The following FAM163A variants were observed in gnomAD, a reference collection of about 807,000 sequenced individuals.
The protein encoded by FAM163A is family with sequence similarity 163 member A, also known as protein FAM163A.
In FAM163A, 7 loss-of-function variants were observed where a neutral mutation model predicts 12.0. The ratio of observed to expected loss-of-function variants is 0.58; its 90% CI spans 0.33 to 1.10. The LOEUF (loss-of-function observed/expected upper bound fraction) is 1.10, where lower values mean the gene tolerates loss of function less well. Ranked by LOEUF, FAM163A falls within the 50% of genes least tolerant of loss-of-function variation. FAM163A has a pLI of 0.03. For missense variants in FAM163A, 202 were observed against 218.6 expected (o/e 0.92, Z 0.48); for synonymous variants, 101 against 91.0 (o/e 1.11, Z -0.62).
chr1:179,730,789 A>G, the FAM163A span, among the ~76,000 whole-genome samples: 8 of 152,230 alleles, frequency 5.3e-5, no homozygotes, highest in Middle Eastern at 3.2e-3. Context: ...ACTAATTTGC[A>G]TTCAGCAAAT....
chr1:179,753,426 G>A (rs898987592), intron 1 of FAM163A, among the ~76,000 whole-genome samples: 5 of 152,178 alleles, frequency 3.3e-5, no homozygotes, highest in Admixed American at 1.3e-4. Context: ...TAAGAGGGTA[G>A]GTCTCATGTT....
At chr1:179,741,926 A>G (rs1015173833), upstream of FAM163A, 2 of 152,244 alleles carry the variant, frequency 1.3e-5, no homozygotes, top group African/African-American at 2.4e-5. Context: ...TCATTAGGCT[A>G]TGAAGGTACG....
chr1:179,732,704 A>G, the FAM163A span, among the ~76,000 whole-genome samples: 1 of 151,782 alleles, frequency 6.6e-6, no homozygotes, highest in East Asian at 1.9e-4. Context: ...AACATGGCGA[A>G]ACCCTGTCTC....
At chr1:179,794,898 G>T (rs538397120) in intron 1 of FAM163A, among the ~76,000 whole-genome samples, 1 of 152,238 alleles carries the variant, frequency 6.6e-6, no homozygotes, top group Admixed American at 6.5e-5. Context: ...ATTCAAAGAG[G>T]CTGAGTGACT....
chr1:179,773,743 G>A (rs1477073625), intron 1 of FAM163A, among the ~76,000 whole-genome samples: 2 of 152,122 alleles, frequency 1.3e-5, no homozygotes, highest in African/African-American at 4.8e-5. Context: ...TTAAAGCATC[G>A]GCCTCTAGAG....
At chr1:179,735,136 C>G in the FAM163A span, among the ~76,000 whole-genome samples, 6 of 152,082 alleles carry the variant, frequency 3.9e-5, no homozygotes, top group African/African-American at 1.4e-4. Context: ...AAATAAGTCC[C>G]CCCAGATTAA....
chr1:179,735,765 A>G, the FAM163A span, among the ~76,000 whole-genome samples: 1 of 151,960 alleles, frequency 6.6e-6, no homozygotes, highest in East Asian at 1.9e-4. Flanking sequence ...GGCCTCCCAA[A>G]GTGCTGGGAT....
intron 1 of FAM163A, among the ~76,000 whole-genome samples, chr1:179,771,440 C>T (rs1466691136): frequency 6.6e-6 from 1 of 152,180 alleles, no homozygotes; most frequent in Admixed American, 6.5e-5. Context: ...CCATCCTACC[C>T]TCTTTTTCCT....
intron 1 of FAM163A, among the ~76,000 whole-genome samples, chr1:179,747,972 G>T (rs190801391): frequency 6.6e-6 from 1 of 151,854 alleles, no homozygotes; most frequent in Non-Finnish European, 1.5e-5. Flanking sequence ...AGGGGGAGGA[G>T]GAAGAGGACT....
upstream of FAM163A, among the ~76,000 whole-genome samples, chr1:179,739,296 A>G (rs1441805360): frequency 2.6e-5 from 4 of 152,228 alleles, no homozygotes; most frequent in African/African-American, 9.6e-5. Context: ...GCTCCATAAT[A>G]GAAAAAATAG....
chr1:179,754,721 G>T (rs1438246264), intron 1 of FAM163A, among the ~76,000 whole-genome samples: 1 of 152,238 alleles, frequency 6.6e-6, no homozygotes, highest in Admixed American at 6.5e-5. Context: ...ATGGCGATGA[G>T]AGGCTAAACA....
intron 2 of FAM163A, among the ~76,000 whole-genome samples, chr1:179,809,406 G>C (rs180879385): frequency 2.8e-4 from 43 of 152,340 alleles, no homozygotes; most frequent in African/African-American, 9.6e-4. Flanking sequence ...GACGTGAGAG[G>C]AATGTGAGAG....
chr1:179,744,198 C>T (rs1365215314), intron 1 of FAM163A, among the ~76,000 whole-genome samples: 2 of 152,172 alleles, frequency 1.3e-5, no homozygotes, highest in African/African-American at 4.8e-5. Context: ...AGAAGCCGGA[C>T]GTGCCCGTGG....
chr1:179,761,638 T>A (rs1377186146), intron 1 of FAM163A, among the ~76,000 whole-genome samples: 1 of 152,122 alleles, frequency 6.6e-6, no homozygotes, highest in African/African-American at 2.4e-5. Context: ...AATAGTATAG[T>A]CCATCAGTCA....
chr1:179,734,308 G>C, the FAM163A span, among the ~76,000 whole-genome samples: 1 of 152,184 alleles, frequency 6.6e-6, no homozygotes, highest in Admixed American at 6.5e-5. Flanking sequence ...AGAGAAAGCT[G>C]TCATCTTAAT....
At chr1:179,747,574 A>G (rs1218804212) in intron 1 of FAM163A, among the ~76,000 whole-genome samples, 2 of 152,090 alleles carry the variant, frequency 1.3e-5, no homozygotes, top group Admixed American at 6.5e-5. Flanking sequence ...AGCCTACACT[A>G]TTTCATTGAA....
chr1:179,805,099 A>C (rs918994318), intron 1 of FAM163A, among the ~76,000 whole-genome samples: 6 of 152,174 alleles, frequency 3.9e-5, no homozygotes, highest in African/African-American at 1.4e-4. Context: ...AAATGTATTC[A>C]GTGGGAGAAA....
chr1:179,765,859 G>A, intron 1 of FAM163A, among the ~76,000 whole-genome samples: 1 of 152,122 alleles, frequency 6.6e-6, no homozygotes, highest in East Asian at 1.9e-4. Flanking sequence ...GGTTCAGAAT[G>A]GCTGGCCTGA....
At chr1:179,779,300 G>A (rs1295131888) in intron 1 of FAM163A, among the ~76,000 whole-genome samples, 1 of 152,220 alleles carries the variant, frequency 6.6e-6, no homozygotes, top group Non-Finnish European at 1.5e-5. Flanking sequence ...CAGCCTTTTT[G>A]AAGAGGGAGT....
Sources: gnomAD v4.1 joint callset for allele counts (sites outside exome capture counted in the v4.1 genomes callset) on GRCh38, gnomAD v4.1.1 for gene constraint, MANE v1.5 for transcripts, NCBI Gene and HGNC (gene_info 2026-07-23, HGNC 2026-07-21) for gene names.